PTPN13: variants seen among roughly 807,000 people sequenced by gnomAD.
PTPN13 encodes tyrosine-protein phosphatase non-receptor type 13.
PTPN13 carries 191 observed loss-of-function variants against 284.0 expected under a neutral mutation model. That is an observed-to-expected ratio of 0.67 (90% CI 0.60 to 0.76). The LOEUF is 0.76. PTPN13 is among the 30% of genes least tolerant of loss of function. The pLI is 0.00. For missense variants in PTPN13, 2,797 were observed against 2,939.9 expected (o/e 0.95, Z 1.12); for synonymous variants, 986 against 1,022.3 (o/e 0.96, Z 0.68).
chr4:86,737,928 C>T (rs962575588), intron 15 of PTPN13, among the ~76,000 whole-genome samples: 2 of 152,130 alleles, frequency 1.3e-5, no homozygotes, highest in Non-Finnish European at 2.9e-5. Context: ...CATGGTTTCA[C>T]CATGTTAGCC....
At position 86,650,800 on chromosome 4, in the gene PTPN13, C is replaced by T. The variant is rs188389363; in HGVS notation, c.115+15429C>T. Among the ~76,000 whole-genome samples the T allele has an allele frequency of 7.9e-5, 12 of 152,210 alleles. No homozygotes were observed. In the East Asian group the frequency reaches 1.4e-3, roughly 17 times the overall value. On this transcript the variant is annotated intron_variant, in intron 2 of 47. Coordinates refer to ENST00000411767, the MANE Select transcript of PTPN13 (RefSeq NM_080683.3). Reference sequence around the variant, plus strand: ...CCTTAACTTTACTGAATTTGTTTATCGGTTCCAAAGGTTTTCTGGTAGAGT... The same window carrying T: ...CCTTAACTTTACTGAATTTGTTTATTGGTTCCAAAGGTTTTCTGGTAGAGT...
Position 86,621,068 on chromosome 4 carries a change from A to C in PTPN13, c.-5-14184A>C, listed in dbSNP as rs930144351. On this transcript the variant is annotated intron_variant, in intron 1 of 47. Coordinates refer to ENST00000411767, the MANE Select transcript of PTPN13 (RefSeq NM_080683.3). ...TAGGACACCTGTTACCTCTATTTGG[A>C]TCTTGTGCTTCCAGTTTCTCACTCG... is the stretch of plus-strand genomic sequence containing the variant. 9.9e-5 allele frequency among the ~76,000 whole-genome samples: 15 copies of C among 152,240 alleles called. No homozygotes were observed. The South Asian group carries it at 2.5e-3, about 25-fold the overall frequency.
chr4:86,695,717 G>C (rs77353949), intron 6 of PTPN13, among the ~76,000 whole-genome samples: 7,552 of 147,956 alleles, frequency 0.051, 259 homozygotes, highest in African/African-American at 0.074. Flanking sequence ...ATTTCTCTTT[G>C]TTATTCTTTC....
At chr4:86,619,385 G>C (rs1720959553) in intron 1 of PTPN13, among the ~76,000 whole-genome samples, 1 of 152,008 alleles carries the variant, frequency 6.6e-6, no homozygotes, top group African/African-American at 2.4e-5. Flanking sequence ...TACTCAAATT[G>C]CTCCATTCTA....
intron 7 of PTPN13, among the ~76,000 whole-genome samples, chr4:86,705,828 T>TA (rs1178952087): frequency 6.2e-4 from 89 of 143,464 alleles, no homozygotes; most frequent in Admixed American, 1.9e-3. Flanking sequence ...ACATGTGACT[T>TA]AAAAAAAAAA....
chr4:86,629,710 G>A (rs1722252100), intron 1 of PTPN13, among the ~76,000 whole-genome samples: 1 of 151,896 alleles, frequency 6.6e-6, no homozygotes, highest in Non-Finnish European at 1.5e-5. Context: ...AAAGCTTATT[G>A]AAAATTATTT....
intron 5 of PTPN13, among the ~76,000 whole-genome samples, chr4:86,692,306 A>G (rs1390893068): frequency 6.6e-6 from 1 of 152,224 alleles, no homozygotes; most frequent in Non-Finnish European, 1.5e-5. Flanking sequence ...AACATCATTT[A>G]TGCAACTTAA....
At chr4:86,766,308 G>A (rs1453737234) in intron 26 of PTPN13, 124 bp from the exon 27 acceptor site, 6 of 677,538 alleles carry the variant, frequency 8.9e-6, no homozygotes, top group Non-Finnish European at 1.5e-5. Context: ...AAGAAACTCT[G>A]TAACACAATT....
rs1737254879 is a variant in PTPN13 at position 86,750,462 on chromosome 4, C to T, written c.2651-8C>T. 6.2e-7 allele frequency: 1 copy of T among 1,605,708 alleles called. No individual in the cohort carries two copies. Among genetic ancestry groups the T allele is most frequent in the African/African-American group, 1.3e-5 (1 of 74,584 alleles). The stretch of plus-strand genomic sequence containing the variant: ...ACCATCATGTAAAGCAATCCTATTT[C>T]CTTGTAGAGAGAGCTTCGTTTAGGA... On this transcript the variant is annotated splice_region_variant and splice_polypyrimidine_tract_variant and intron_variant, in intron 17 of 47. Coordinates refer to ENST00000411767, the MANE Select transcript of PTPN13 (RefSeq NM_080683.3).
At chr4:86,709,754 A>G (rs1732171400) in intron 7 of PTPN13, among the ~76,000 whole-genome samples, 1 of 152,182 alleles carries the variant, frequency 6.6e-6, no homozygotes, top group Admixed American at 6.5e-5. Flanking sequence ...AGCCTAGCCG[A>G]TGTCACAGCC....
At chr4:86,671,537 C>G (rs1727722200) in intron 2 of PTPN13, among the ~76,000 whole-genome samples, 1 of 152,052 alleles carries the variant, frequency 6.6e-6, no homozygotes, top group Admixed American at 6.6e-5. Flanking sequence ...TAATGTACAG[C>G]TTTACTTCTA....
chr4:86,811,221 C>A, intron 47 of PTPN13, 113 bp downstream of exon 47: 2 of 1,027,822 alleles, frequency 1.9e-6, no homozygotes, highest in Admixed American at 3.1e-5. Flanking sequence ...GAGCATAAAA[C>A]CAAACATTTA....
rs1388448778 is a variant in PTPN13 at position 86,762,924 on chromosome 4, A to G, written c.3751A>G (p.Thr1251Ala). The G allele has an allele frequency of 5.0e-6, 8 of 1,613,956 alleles. No individual in the cohort carries two copies. Among genetic ancestry groups the G allele is most frequent in the Non-Finnish European group, 6.8e-6 (8 of 1,179,860 alleles). ...EGSLSSQDSRTESASLSQSQV... is the reference protein window; with the variant it reads ...EGSLSSQDSRAESASLSQSQV... Reference sequence around the variant, plus strand: ...AAGCCTGAGTTCTCAAGATTCCAGGACTGAGAGTGCCAGCTTGTCTCAAAG... The same window carrying G: ...AAGCCTGAGTTCTCAAGATTCCAGGGCTGAGAGTGCCAGCTTGTCTCAAAG... Residue 1251 changes from threonine to alanine, a missense_variant, in exon 24 of 48, where the codon ACT becomes GCT. Transcript: ENST00000411767.
chr4:86,607,403 C>T (rs1232620679), intron 1 of PTPN13, among the ~76,000 whole-genome samples: 2 of 151,834 alleles, frequency 1.3e-5, no homozygotes, highest in Non-Finnish European at 2.9e-5. Context: ...TGATAAGGTA[C>T]TATTTGAATA....
chr4:86,651,141 TG>T (rs1480124481), intron 2 of PTPN13, among the ~76,000 whole-genome samples: 1 of 152,178 alleles, frequency 6.6e-6, no homozygotes, highest in African/African-American at 2.4e-5. Context: ...TGAATTTTAT[TG>T]AATGCTTTTC....
intron 2 of PTPN13, among the ~76,000 whole-genome samples, chr4:86,638,403 G>A (rs1204821702): frequency 1.3e-5 from 2 of 152,134 alleles, no homozygotes; most frequent in Non-Finnish European, 2.9e-5. Context: ...AAAGCTGGAG[G>A]CATCACGCTA....
At chr4:86,652,529 T>A (rs1179065384) in intron 2 of PTPN13, among the ~76,000 whole-genome samples, 1 of 152,206 alleles carries the variant, frequency 6.6e-6, no homozygotes, top group Non-Finnish European at 1.5e-5. Context: ...TTGCTGGATA[T>A]AATATTCTAG....
At chr4:86,711,642 A>G (rs1732432491) in intron 7 of PTPN13, among the ~76,000 whole-genome samples, 1 of 152,304 alleles carries the variant, frequency 6.6e-6, no homozygotes, top group East Asian at 1.9e-4. Flanking sequence ...TAAAATAAGG[A>G]ATAATTATGA....
In PTPN13 at chr4:86,782,407, T is replaced by G. The variant is rs1024337205; in HGVS notation, c.6024+145T>G. The G allele has an allele frequency of 4.0e-6, 3 of 751,550 alleles. No individual in the cohort carries two copies. The African/African-American group carries it at 5.3e-5, about 13-fold the overall frequency. The allele number at this position is 751,550 out of a possible 1,614,324, so 46.6% of individuals were successfully genotyped here. A position where few individuals can be genotyped will look rare whatever the true frequency, so the allele number is the denominator to read the frequency against. On this transcript the variant is annotated intron_variant, in intron 37 of 47. Transcript: ENST00000411767. The stretch of plus-strand genomic sequence containing the variant: ...ATAGTAAGGCTATATTTTACTGAAC[T>G]AATAGGCCTTGCTAAGTAAATCATA...
Sources: allele counts gnomAD v4.1 joint callset (sites outside exome capture counted in the v4.1 genomes callset), GRCh38; gene constraint gnomAD v4.1.1; transcripts MANE v1.5; gene names NCBI Gene and HGNC (gene_info 2026-07-23, HGNC 2026-07-21).